Variants in CALML4 observed in about 807,000 individuals in gnomAD.
The protein encoded by CALML4 is calmodulin like 4, also known as calmodulin-like protein 4.
In CALML4, 16 loss-of-function variants were observed where a neutral mutation model predicts 17.9. The ratio of observed to expected loss-of-function variants is 0.89; its 90% confidence interval spans 0.61 to 1.36. The LOEUF is 1.36. Ranked by LOEUF, CALML4 falls within the 40% of genes most tolerant of loss-of-function variation. The probability of loss-of-function intolerance (pLI) is 0.00; values close to 1 mark genes in which losing one functional copy is unlikely to be tolerated. For synonymous variants in CALML4, 86 were observed against 71.5 expected, an observed-to-expected ratio of 1.20 and a Z score of -1.02; for missense variants, 203 against 194.8, an observed-to-expected ratio of 1.04 and a Z score of -0.25.
In CALML4 at chr15:68,192,785, C is replaced by T. The variant is rs2093126368; in HGVS notation, c.*1230G>A. On this transcript the variant is annotated 3_prime_UTR_variant, in exon 5 of 5. Coordinates refer to ENST00000467889, the MANE Select transcript of CALML4 (RefSeq NM_033429.3). Reference sequence around the variant, plus strand: ...CTTTAGCCACTGTGGTACTACTAGACAAAGCCACAGCCCAGAGAACCCACT... The same window carrying T: ...CTTTAGCCACTGTGGTACTACTAGATAAAGCCACAGCCCAGAGAACCCACT... 6.6e-6 allele frequency: 1 copy of T among 152,232 alleles called. No homozygotes were observed. The highest frequency in any genetic ancestry group is 2.4e-5 in the African/African-American group (1 of 41,434). 9.4% of individuals were successfully genotyped at this position (152,232 alleles called of 1,614,324 possible).
rs2093150767 is a variant in CALML4 at position 68,197,700 on chromosome 15, T to C, written c.176-72A>G. The C allele has an allele frequency of 6.3e-6, 9 of 1,422,674 alleles. No individual in the cohort carries two copies. The highest frequency in any genetic ancestry group is 8.8e-6 in the Non-Finnish European group (9 of 1,028,106). The allele number at this position is 1,422,674 out of a possible 1,614,324, so 88.1% of individuals were successfully genotyped here. A position where few individuals can be genotyped will look rare whatever the true frequency, so the allele number is the denominator to read the frequency against. ...CCTAGGAAGCCAGCTGGCCTCCTGC[T>C]GGACCTGCACAGCCGGTTCAAGGTC... On this transcript the variant is annotated intron_variant, in intron 3 of 4. Transcript: ENST00000467889. This position sits in a 1 kb window ranked among gnomAD's most constrained non-coding sequence, Gnocchi z 4.1.
At chr15:68,194,457 C>T (rs2093134376) in intron 4 of CALML4, among the ~76,000 whole-genome samples, 1 of 151,124 alleles carries the variant, frequency 6.6e-6, no homozygotes, top group Admixed American at 6.6e-5. Context: ...AATCTCAGCT[C>T]ACTGCAACCT....
At chr15:68,194,929 C>T (rs1283247926) in intron 4 of CALML4, among the ~76,000 whole-genome samples, 2 of 115,058 alleles carry the variant, frequency 1.7e-5, no homozygotes, top group African/African-American at 3.2e-5. Flanking sequence ...GCTACCATCA[C>T]CTCTAAAAAA....
Position 68,200,462 on chromosome 15 carries a change from C to T in CALML4, c.35-781G>A, listed in dbSNP as rs1052470166. Among the ~76,000 whole-genome samples, 4 of 152,216 alleles carry T rather than the reference C, an allele frequency of 2.6e-5. No individual in the cohort carries two copies. The South Asian group carries it at 8.3e-4, about 32-fold the overall frequency. On this transcript the variant is annotated intron_variant, in intron 2 of 4. Transcript: ENST00000467889. The surrounding 1 kb of genome is among the most constrained non-coding windows in gnomAD (Gnocchi z 4.3). ...TGGAAGGCAGCCGGAGCTAGCTCCC[C>T]TAAACCCACAGACTCCCGGCCTGAC...
rs1293873058 is a variant in CALML4 at position 68,197,023 on chromosome 15, C to T, written c.364+417G>A. ...AAAGGGCAGGGATGTCTAGACCTGC[C>T]TTCGCTCCTGCGCCGCTGCTTGGGA... On this transcript the variant is annotated intron_variant, in intron 4 of 4. Transcript: ENST00000467889. The surrounding 1 kb of genome is among the most constrained non-coding windows in gnomAD (Gnocchi z 4.1). Among the ~76,000 whole-genome samples, 1 of 152,202 alleles carries T rather than the reference C, an allele frequency of 6.6e-6. No homozygotes were observed. Among genetic ancestry groups the T allele is most frequent in the Non-Finnish European group, 1.5e-5 (1 of 68,032 alleles).
At chr15:68,199,405 TG>T in intron 3 of CALML4, 135 bp downstream of exon 3, 2 of 951,196 alleles carry the variant, frequency 2.1e-6, no homozygotes, top group East Asian at 2.6e-5. Flanking sequence ...ACTCCTGGTC[TG>T]GGGCTGCCAC....
intron 4 of CALML4, among the ~76,000 whole-genome samples, chr15:68,194,731 G>A (rs1288755761): frequency 6.6e-6 from 1 of 151,882 alleles, no homozygotes; most frequent in Non-Finnish European, 1.5e-5. Context: ...TGACCCCTGT[G>A]CCCATATTTC....
chr15:68,197,722 G>T lies in CALML4; in HGVS notation c.176-94C>A. 2 of 1,145,550 alleles carry T rather than the reference G, an allele frequency of 1.7e-6. No homozygotes were observed. The highest frequency in any genetic ancestry group is 2.5e-6 in the Non-Finnish European group (2 of 795,910). The allele number at this position is 1,145,550 out of a possible 1,614,324, so 71.0% of individuals were successfully genotyped here. A position where few individuals can be genotyped will look rare whatever the true frequency, so the allele number is the denominator to read the frequency against. On this transcript the variant is annotated intron_variant, in intron 3 of 4. Coordinates refer to ENST00000467889, the MANE Select transcript of CALML4 (RefSeq NM_033429.3). This position sits in a 1 kb window ranked among gnomAD's most constrained non-coding sequence, Gnocchi z 4.1. ...TGCTGGACCTGCACAGCCGGTTCAA[G>T]GTCAACTGACCAGGGAATGCCAGGA...
upstream of CALML4, chr15:68,205,370 C>G: frequency 1.2e-6 from 2 of 1,613,882 alleles, no homozygotes; most frequent in Non-Finnish European, 1.7e-6. The surrounding 1 kb of genome is among the most constrained non-coding windows in gnomAD (Gnocchi z 4.8). Context: ...AAATGCTCGG[C>G]TGCCATGGAG....
Position 68,205,208 on chromosome 15 carries a change from C to CA in CALML4, c.3+36dup. On this transcript the variant is annotated intron_variant, in intron 1 of 4. Transcript: ENST00000467889. This position sits in a 1 kb window ranked among gnomAD's most constrained non-coding sequence, Gnocchi z 4.8. ...GGGCTCCACCTGAGGTTCACGCCCC[C>CA]AGCCCTGGCCAGGCCGACACAGACC... 1 of 1,614,172 alleles carries CA rather than the reference C, an allele frequency of 6.2e-7. No individual in the cohort carries two copies. The highest frequency in any genetic ancestry group is 8.5e-7 in the Non-Finnish European group (1 of 1,180,024).
At chr15:68,196,609 C>T (rs2093145586) in intron 4 of CALML4, among the ~76,000 whole-genome samples, 1 of 152,058 alleles carries the variant, frequency 6.6e-6, no homozygotes, top group Non-Finnish European at 1.5e-5. Context: ...CGGGCAGAGG[C>T]AGAGCTGGCT....
chr15:68,205,843 C>T (rs906824966), upstream of CALML4: 4 of 188,344 alleles, frequency 2.1e-5, no homozygotes, highest in Non-Finnish European at 4.5e-5. The surrounding 1 kb of genome is among the most constrained non-coding windows in gnomAD (Gnocchi z 4.8). Context: ...GCGAATCATT[C>T]TACCTCAGTC....
rs1395580792 is a variant in CALML4 at position 68,192,969 on chromosome 15, G to C, written c.*1046C>G. On this transcript the variant is annotated 3_prime_UTR_variant, in exon 5 of 5. Coordinates refer to ENST00000467889, the MANE Select transcript of CALML4 (RefSeq NM_033429.3). ...CTGAATCTCTGGCAGCACCAACCTG[G>C]CACCTTCTAGCTGTGTAACTCACTC... The C allele has an allele frequency of 1.3e-5, 2 of 152,246 alleles. No homozygotes were observed. Among genetic ancestry groups the C allele is most frequent in the Admixed American group, 1.3e-4 (2 of 15,284 alleles). The allele number at this position is 152,246 out of a possible 1,614,324, so 9.4% of individuals were successfully genotyped here.
Position 68,192,955 on chromosome 15 carries a change from G to A in CALML4, c.*1060C>T, listed in dbSNP as rs1403194236. 1 of 152,226 alleles carries A rather than the reference G, an allele frequency of 6.6e-6. No individual in the cohort carries two copies. Among genetic ancestry groups the A allele is most frequent in the Non-Finnish European group, 1.5e-5 (1 of 68,098 alleles). The allele number at this position is 152,226 out of a possible 1,614,324, so 9.4% of individuals were successfully genotyped here. ...AGTGTATGGCACCTCTGAATCTCTG[G>A]CAGCACCAACCTGGCACCTTCTAGC... On this transcript the variant is annotated 3_prime_UTR_variant, in exon 5 of 5. Coordinates refer to ENST00000467889, the MANE Select transcript of CALML4 (RefSeq NM_033429.3).
In CALML4 at chr15:68,200,841, G is replaced by A. The variant is rs892822007; in HGVS notation, c.35-1160C>T. On this transcript the variant is annotated intron_variant, in intron 2 of 4. Coordinates refer to ENST00000467889, the MANE Select transcript of CALML4 (RefSeq NM_033429.3). This position sits in a 1 kb window ranked among gnomAD's most constrained non-coding sequence, Gnocchi z 4.3. ...CTGAGCACTCCACCCCCAGGCCCTCGCTTCATCCCCACAACCCTGTGATGC... is the reference window on the plus strand; with the variant it reads ...CTGAGCACTCCACCCCCAGGCCCTCACTTCATCCCCACAACCCTGTGATGC... 3.9e-5 allele frequency among the ~76,000 whole-genome samples: 6 copies of A among 152,202 alleles called. No individual in the cohort carries two copies. The East Asian group carries it at 9.7e-4, about 25-fold the overall frequency.
Position 68,194,102 on chromosome 15 carries a change from G to A in CALML4, c.375C>T (p.Leu125=). The change falls in exon 5 of 5, where the codon CTC becomes CTT. Residue 125 remains leucine (L), a synonymous_variant. Transcript: ENST00000467889. The stretch of plus-strand genomic sequence containing the variant: ...TGGGTTCGATATCTGCTTCCCTGAA[G>A]AGATCATCCACTGCAATAAATCACA... The part of the protein sequence containing the change: ...EKLTHKEVDD[L]FREADIEPNG... 3 of 1,611,810 alleles carry A rather than the reference G, an allele frequency of 1.9e-6. No individual in the cohort carries two copies. Among genetic ancestry groups the A allele is most frequent in the Non-Finnish European group, 2.5e-6 (3 of 1,177,982 alleles).
Position 68,197,291 on chromosome 15 carries a change from C to G in CALML4, c.364+149G>C. On this transcript the variant is annotated intron_variant, in intron 4 of 4. Coordinates refer to ENST00000467889, the MANE Select transcript of CALML4 (RefSeq NM_033429.3). This position sits in a 1 kb window ranked among gnomAD's most constrained non-coding sequence, Gnocchi z 4.1. ...CTTCCCCAGGCTCCAGTCCAGCACCCACCTAGTGTGGCATCTGCTCACAGT... is the reference window on the plus strand; with the variant it reads ...CTTCCCCAGGCTCCAGTCCAGCACCGACCTAGTGTGGCATCTGCTCACAGT... 1.4e-6 allele frequency: 1 copy of G among 699,258 alleles called. No homozygotes were observed. Among genetic ancestry groups the G allele is most frequent in the Non-Finnish European group, 2.4e-6 (1 of 423,558 alleles). 43.3% of individuals were successfully genotyped at this position (699,258 alleles called of 1,614,324 possible). A position where few individuals can be genotyped will look rare whatever the true frequency, so the allele number is the denominator to read the frequency against.
At chr15:68,203,808 G>A (rs1377665562) in intron 2 of CALML4, among the ~76,000 whole-genome samples, 4 of 152,132 alleles carry the variant, frequency 2.6e-5, no homozygotes, top group South Asian at 2.1e-4. Flanking sequence ...TTCCCACTTC[G>A]CTAGGCCACC....
rs193255780 is a variant in CALML4, at chr15:68,194,218, A to G, written c.365-106T>C. The G allele has an allele frequency of 2.0e-4, 150 of 760,974 alleles. 4 individuals carry two copies. The Admixed American group carries it at 3.3e-3, about 16-fold the overall frequency. 47.1% of individuals were successfully genotyped at this position (760,974 alleles called of 1,614,324 possible). A position where few individuals can be genotyped will look rare whatever the true frequency, so the allele number is the denominator to read the frequency against. ...CCCCTAAGGTCTTCCCTGAGCGTGC[A>G]GTTGACTATTCCTGTAGACCAGGAA... On this transcript the variant is annotated intron_variant, in intron 4 of 4. Transcript: ENST00000467889.
Sources: gnomAD v4.1 joint callset for allele counts (sites outside exome capture counted in the v4.1 genomes callset) on GRCh38, gnomAD v4.1.1 for gene constraint, Gnocchi (gnomAD v3.1) non-coding constraint, MANE v1.5 for transcripts, NCBI Gene and HGNC (gene_info 2026-07-23, HGNC 2026-07-21) for gene names.